The following GPRIN3 variants were observed in gnomAD, a reference collection of about 807,000 sequenced individuals.
The protein encoded by GPRIN3 is GPRIN family member 3.
Under a neutral mutation model 13.7 loss-of-function variants are expected in GPRIN3, and 12 were observed. That is an observed-to-expected ratio of 0.87 (90% CI 0.56 to 1.42). GPRIN3 has a LOEUF of 1.42. GPRIN3 is among the 40% of genes most tolerant of loss of function. The pLI, the probability that GPRIN3 is intolerant of heterozygous loss-of-function variation, is 0.00. For missense variants in GPRIN3, 1,009 were observed against 958.7 expected (o/e 1.05, Z -0.69); for synonymous variants, 377 against 372.7 (o/e 1.01, Z -0.13).
chr4:89,264,017 A>G (rs1487425325), intron 1 of GPRIN3, among the ~76,000 whole-genome samples: 2 of 152,154 alleles, frequency 1.3e-5, no homozygotes, highest in Admixed American at 6.5e-5. Flanking sequence ...CAATTGTTCC[A>G]TTTCTCTTCT....
chr4:89,286,514 G>A (rs1343924942), intron 1 of GPRIN3, among the ~76,000 whole-genome samples: 1 of 152,084 alleles, frequency 6.6e-6, no homozygotes, highest in Non-Finnish European at 1.5e-5. Flanking sequence ...ATCATATTCA[G>A]AAAGCTTACT....
intron 1 of GPRIN3, among the ~76,000 whole-genome samples, chr4:89,263,742 A>G (rs1723706361): frequency 6.6e-6 from 1 of 152,154 alleles, no homozygotes; most frequent in Non-Finnish European, 1.5e-5. Flanking sequence ...CAAGCTTCAA[A>G]AAAGGATTAT....
chr4:89,276,821 T>A (rs1465352409), intron 1 of GPRIN3, among the ~76,000 whole-genome samples: 1 of 152,134 alleles, frequency 6.6e-6, no homozygotes, highest in Non-Finnish European at 1.5e-5. Context: ...GTGCTTCACC[T>A]ACTGAGAATC....
rs1317558794 is a variant in GPRIN3 at position 89,239,232 on chromosome 4, T to G, written c.*8548A>C. ...ATTTTGAATATTTTTTCTTGTAATA[T>G]TATACCACACTTTTGATCTTTCTTA... is the stretch of plus-strand genomic sequence containing the variant. On this transcript the variant is annotated 3_prime_UTR_variant, in exon 2 of 2. Transcript: ENST00000609438. 1 of 152,180 alleles carries G rather than the reference T, an allele frequency of 6.6e-6. No individual in the cohort carries two copies. The highest frequency in any genetic ancestry group is 2.4e-5 in the African/African-American group (1 of 41,458). The allele number at this position is 152,180 out of a possible 1,614,324, so 9.4% of individuals were successfully genotyped here.
At position 89,289,646 on chromosome 4, in the gene GPRIN3, A is replaced by G. The variant is rs946403237; in HGVS notation, c.-124+17969T>C. Among the ~76,000 whole-genome samples the G allele has an allele frequency of 7.2e-5, 11 of 152,274 alleles. No homozygotes were observed. In the East Asian group the frequency reaches 1.4e-3, roughly 19 times the overall value. ...GTTTTGTTACACAGTGTAGAAGCAA[A>G]GTGGGGACTTGATCCCAGGTCTTCT... On this transcript the variant is annotated intron_variant, in intron 1 of 1. Transcript: ENST00000609438.
In GPRIN3 at chr4:89,248,813, G is replaced by A. The variant is rs200774072; in HGVS notation, c.1298C>T (p.Thr433Met). 84 of 1,614,090 alleles carry A rather than the reference G, an allele frequency of 5.2e-5. No homozygotes were observed. The highest frequency in any genetic ancestry group is 6.1e-5 in the Non-Finnish European group (72 of 1,180,002). Residue 433 changes from threonine (T) to methionine (M), a missense_variant, in exon 2 of 2, where the codon ACG becomes ATG. Thr to Met is a moderately conservative substitution (Grantham distance 81). Coordinates refer to ENST00000609438, the MANE Select transcript of GPRIN3 (RefSeq NM_198281.3). ...TGCTAACCTCCCATCTTCTTTACAC[G>A]TATGCTGGGCATTACTGGAGACCAA... ...INLVSSNAQH[T>M]CKEDGRLAGM...
intron 1 of GPRIN3, among the ~76,000 whole-genome samples, chr4:89,300,083 C>T (rs867826579): frequency 2.6e-5 from 4 of 152,278 alleles, no homozygotes; most frequent in African/African-American, 4.8e-5. Flanking sequence ...TAAACTTTCA[C>T]AGACTCTACA....
rs1722884990 is a variant in GPRIN3, at chr4:89,240,111, C to T, written c.*7669G>A. 1 of 152,180 alleles carries T rather than the reference C, an allele frequency of 6.6e-6. No homozygotes were observed. The highest frequency in any genetic ancestry group is 2.4e-5 in the African/African-American group (1 of 41,436). The allele number at this position is 152,180 out of a possible 1,614,324, so 9.4% of individuals were successfully genotyped here. A position where few individuals can be genotyped will look rare whatever the true frequency, so the allele number is the denominator to read the frequency against. ...TGAGAAAAAATGAGATAAATTCGAACAATATCAATTAACTGGTTGGAATTA... is the reference window on the plus strand; with the variant it reads ...TGAGAAAAAATGAGATAAATTCGAATAATATCAATTAACTGGTTGGAATTA... On this transcript the variant is annotated 3_prime_UTR_variant, in exon 2 of 2. Transcript: ENST00000609438.
chr4:89,263,488 ACC>A (rs1723699579), intron 1 of GPRIN3, among the ~76,000 whole-genome samples: 1 of 152,128 alleles, frequency 6.6e-6, no homozygotes, highest in African/African-American at 2.4e-5. Context: ...CCTGTGTGAA[ACC>A]TGGGATTCAA....
In GPRIN3 at chr4:89,245,920, C is replaced by T. The variant is rs1488613457; in HGVS notation, c.*1860G>A. 1 of 152,108 alleles carries T rather than the reference C, an allele frequency of 6.6e-6. No individual in the cohort carries two copies. The highest frequency in any genetic ancestry group is 2.4e-5 in the African/African-American group (1 of 41,430). 9.4% of individuals were successfully genotyped at this position (152,108 alleles called of 1,614,324 possible). On this transcript the variant is annotated 3_prime_UTR_variant, in exon 2 of 2. Transcript: ENST00000609438. ...AATGGGTAAGAAACTGAAAAATGTG[C>T]CTTATTAAAAAATTCCTTCTAATTT...
intron 1 of GPRIN3, among the ~76,000 whole-genome samples, chr4:89,260,041 A>T (rs1723582581): frequency 6.6e-6 from 1 of 152,192 alleles, no homozygotes; most frequent in African/African-American, 2.4e-5. Flanking sequence ...TCCTGACCTC[A>T]GGTGATCCAC....
chr4:89,273,674 A>C (rs1233809400), intron 1 of GPRIN3, among the ~76,000 whole-genome samples: 1 of 152,242 alleles, frequency 6.6e-6, no homozygotes, highest in Non-Finnish European at 1.5e-5. Context: ...TGACAGAGTG[A>C]GACTCCGTCT....
chr4:89,279,163 C>G (rs1028651328), intron 1 of GPRIN3, among the ~76,000 whole-genome samples: 2 of 152,210 alleles, frequency 1.3e-5, no homozygotes, highest in African/African-American at 4.8e-5. Context: ...CAGCAAAACA[C>G]TGCCCATTAC....
chr4:89,250,781 A>C (rs1723306345), intron 1 of GPRIN3: 1 of 152,196 alleles, frequency 6.6e-6, no homozygotes, highest in African/African-American at 2.4e-5. Flanking sequence ...AGAAAAGAAA[A>C]GTAGATGTTT....
intron 1 of GPRIN3, among the ~76,000 whole-genome samples, chr4:89,260,422 T>C (rs538813237): frequency 2.0e-5 from 3 of 152,296 alleles, no homozygotes; most frequent in South Asian, 2.1e-4. Context: ...ACAGTTGTGA[T>C]TAAAAAAGCG....
rs762885305 is a variant in GPRIN3 at position 89,249,535 on chromosome 4, T to C, written c.576A>G (p.Pro192=). The change falls in exon 2 of 2, where the codon CCA becomes CCG. Residue 192 remains proline (P), a synonymous_variant. Transcript: ENST00000609438. The part of the protein sequence containing the change: ...KDQVSCEFPS[P]ETIQGTVQTP... ...TCTGCACTGTTCCCTGGATTGTTTC[T>C]GGAGAAGGAAACTCACAGGACACCT... The C allele has an allele frequency of 8.7e-6, 14 of 1,614,162 alleles. No individual in the cohort carries two copies. Among genetic ancestry groups the C allele is most frequent in the Non-Finnish European group, 5.1e-6 (6 of 1,180,012 alleles).
intron 1 of GPRIN3, among the ~76,000 whole-genome samples, chr4:89,286,108 T>C (rs1001139755): frequency 1.3e-5 from 2 of 151,254 alleles, no homozygotes; most frequent in Admixed American, 1.3e-4. Context: ...TATATATATA[T>C]ATATATGTAA....
intron 1 of GPRIN3, among the ~76,000 whole-genome samples, chr4:89,270,307 T>A (rs1723896443): frequency 6.7e-6 from 1 of 149,866 alleles, no homozygotes; most frequent in Admixed American, 6.7e-5. Context: ...CTCTCTGCAA[T>A]TCTCTTTTAT....
intron 1 of GPRIN3, among the ~76,000 whole-genome samples, chr4:89,297,547 GT>G (rs1724773176): frequency 6.6e-6 from 1 of 152,092 alleles, no homozygotes; most frequent in African/African-American, 2.4e-5. Context: ...TACACCACCA[GT>G]CTCTGCGCTC....
Sources: allele counts gnomAD v4.1 joint callset (sites outside exome capture counted in the v4.1 genomes callset), GRCh38; gene constraint gnomAD v4.1.1; transcripts MANE v1.5; gene names NCBI Gene and HGNC (gene_info 2026-07-23, HGNC 2026-07-21).